The following SNAP91 variants were observed in gnomAD, a reference collection of about 807,000 sequenced individuals.
The protein encoded by SNAP91 is clathrin coat assembly protein AP180.
A neutral mutation model predicts 100.3 loss-of-function variants in SNAP91; 27 were observed. The observed-to-expected ratio is 0.27, with a 90% confidence interval of 0.20 to 0.37. SNAP91 has a LOEUF of 0.37. Among genes scored for constraint, SNAP91 ranks in the 10% least tolerant of loss-of-function variants. The pLI is 1.00. For missense variants in SNAP91, 986 were observed against 1,123.7 expected (o/e 0.88, Z 1.75); for synonymous variants, 404 against 398.6 (o/e 1.01, Z -0.16).
chr6:83,611,863 A>ATTTT (rs750966269), intron 11 of SNAP91, among the ~76,000 whole-genome samples: 25 of 91,244 alleles, frequency 2.7e-4, no homozygotes, highest in African/African-American at 9.5e-4. Context: ...CGCCCGGCTA[A>ATTTT]TTTTTTTTTT....
At position 83,610,732 on chromosome 6, in the gene SNAP91, TATATATATATATATAA is replaced by T. The variant is rs1369046754; in HGVS notation, c.885-71_885-56del. On this transcript the variant is annotated intron_variant, in intron 11 of 29. Transcript: ENST00000369694. Reference sequence around the variant, plus strand: ...CTGAATATATATATATATATATATATATATATATATATATAAATATATATGTGAATATATTTGTAGA... The same window carrying T: ...CTGAATATATATATATATATATATATATATATATGTGAATATATTTGTAGA... The T allele has an allele frequency of 4.2e-3, 884 of 209,470 alleles. 9 individuals are homozygous for T. The highest frequency in any genetic ancestry group is 7.5e-3 in the African/African-American group (166 of 22,146). 13.0% of individuals were successfully genotyped at this position (209,470 alleles called of 1,614,324 possible).
chr6:83,635,495 A>G (rs1002050313), intron 8 of SNAP91, among the ~76,000 whole-genome samples: 2 of 152,086 alleles, frequency 1.3e-5, no homozygotes, highest in Admixed American at 6.5e-5. Flanking sequence ...TATCTGATAC[A>G]AGAGCAACAA....
chr6:83,678,997 T>G (rs1344733361), intron 2 of SNAP91: 1 of 582,164 alleles, frequency 1.7e-6, no homozygotes, highest in Non-Finnish European at 2.3e-6. Context: ...GTCCACATCC[T>G]CAGATTCAAC....
intron 26 of SNAP91, among the ~76,000 whole-genome samples, chr6:83,566,938 G>A (rs1797466778): frequency 6.6e-6 from 1 of 152,146 alleles, no homozygotes; most frequent in African/African-American, 2.4e-5. Context: ...AACCTCTTCT[G>A]TTTCCGAGAG....
intron 8 of SNAP91, among the ~76,000 whole-genome samples, chr6:83,627,744 A>G (rs569507082): frequency 1.5e-4 from 23 of 151,474 alleles, no homozygotes; most frequent in Non-Finnish European, 3.4e-4. Context: ...TCTTTTTTTC[A>G]TTGTTAATCT....
chr6:83,601,696 A>T, intron 14 of SNAP91, 97 bp from the exon 15 acceptor site: 1 of 1,136,528 alleles, frequency 8.8e-7, no homozygotes, highest in Non-Finnish European at 1.3e-6. Flanking sequence ...GGCACTAACT[A>T]AAAAAACCTT....
In SNAP91 at chr6:83,605,820, A is replaced by G. The variant is rs1345851276; in HGVS notation, c.1023-17T>C. On this transcript the variant is annotated splice_polypyrimidine_tract_variant and intron_variant, in intron 13 of 29. Coordinates refer to ENST00000369694, the MANE Select transcript of SNAP91 (RefSeq NM_001242792.2). The stretch of plus-strand genomic sequence containing the variant: ...TTAGAAGTGCTGAAAGGAAAATAAA[A>G]CATTAAAATCAGATTTTGAAATTTT... The G allele has an allele frequency of 1.3e-6, 2 of 1,515,286 alleles. No homozygotes were observed. Among genetic ancestry groups the G allele is most frequent in the East Asian group, 5.0e-5 (2 of 40,362 alleles). 93.9% of individuals were successfully genotyped at this position (1,515,286 alleles called of 1,614,324 possible).
intron 3 of SNAP91, among the ~76,000 whole-genome samples, chr6:83,664,201 G>A (rs149377328): frequency 1.1e-4 from 16 of 152,214 alleles, no homozygotes; most frequent in African/African-American, 3.6e-4. Context: ...TTGTTTTCAT[G>A]ACTGCTAACA....
chr6:83,676,016 T>A (rs1490491017), intron 2 of SNAP91, among the ~76,000 whole-genome samples: 1 of 150,994 alleles, frequency 6.6e-6, no homozygotes, highest in South Asian at 2.1e-4. Context: ...GAGGCTGAGG[T>A]GGGAAGATCA....
At chr6:83,686,222 G>C (rs2099058396) in intron 2 of SNAP91, 1 of 984,676 alleles carries the variant, frequency 1.0e-6, no homozygotes, top group African/African-American at 1.7e-5. Context: ...CCTGCACCGG[G>C]CCTGCAAAAC....
At chr6:83,577,898 G>A (rs1413346751) in intron 24 of SNAP91, among the ~76,000 whole-genome samples, 1 of 151,976 alleles carries the variant, frequency 6.6e-6, no homozygotes, top group African/African-American at 2.4e-5. Flanking sequence ...TCAGCCCCTT[G>A]AAGCCCCAAT....
intron 7 of SNAP91, among the ~76,000 whole-genome samples, chr6:83,643,963 A>G (rs971449919): frequency 6.6e-6 from 1 of 152,190 alleles, no homozygotes; most frequent in Non-Finnish European, 1.5e-5. Context: ...CGGTGCTATA[A>G]GACGAAAGTC....
intron 23 of SNAP91, 37 bp from the exon 24 acceptor site, chr6:83,580,636 A>G: frequency 6.5e-7 from 1 of 1,543,088 alleles, no homozygotes; most frequent in Admixed American, 2.1e-5. Flanking sequence ...AATAATTGAA[A>G]ACAAAAAAAG....
intron 2 of SNAP91, among the ~76,000 whole-genome samples, chr6:83,700,870 T>C (rs1469971188): frequency 1.3e-5 from 2 of 152,180 alleles, no homozygotes; most frequent in Non-Finnish European, 2.9e-5. Context: ...AGTGTTGGTA[T>C]TACAGGCAAG....
At chr6:83,680,667 T>C (rs1251068829) in intron 2 of SNAP91, among the ~76,000 whole-genome samples, 1 of 152,156 alleles carries the variant, frequency 6.6e-6, no homozygotes, top group Non-Finnish European at 1.5e-5. Flanking sequence ...AGAACAAGTT[T>C]CTTAGCCTTG....
intron 8 of SNAP91, among the ~76,000 whole-genome samples, chr6:83,636,943 G>C (rs1485547478): frequency 6.6e-6 from 1 of 152,132 alleles, no homozygotes; most frequent in Non-Finnish European, 1.5e-5. Flanking sequence ...TCTGTTCTAG[G>C]TTCTGAGGTT....
chr6:83,608,825 A>C (rs771705523), intron 12 of SNAP91, among the ~76,000 whole-genome samples: 6 of 152,222 alleles, frequency 3.9e-5, no homozygotes, highest in Admixed American at 1.3e-4. Context: ...AGCATTTAGC[A>C]CTTCAAGAAA....
intron 2 of SNAP91, among the ~76,000 whole-genome samples, chr6:83,706,005 C>T (rs1434958330): frequency 6.6e-6 from 1 of 152,186 alleles, no homozygotes; most frequent in African/African-American, 2.4e-5. Context: ...AATCTTCCCC[C>T]TATTTTCCAC....
chr6:83,631,490 T>C (rs968875398), intron 8 of SNAP91, among the ~76,000 whole-genome samples: 2 of 152,142 alleles, frequency 1.3e-5, no homozygotes, highest in African/African-American at 4.8e-5. Context: ...TTAGGTCTAT[T>C]AGTAATCGTT....
Sources: allele counts gnomAD v4.1 joint callset (sites outside exome capture counted in the v4.1 genomes callset), GRCh38; gene constraint gnomAD v4.1.1; transcripts MANE v1.5; gene names NCBI Gene and HGNC (gene_info 2026-07-23, HGNC 2026-07-21).